The following EFCAB13 variants were observed in gnomAD, a reference collection of about 807,000 sequenced individuals.
EFCAB13 encodes the protein EF-hand calcium-binding domain-containing protein 13.
A neutral mutation model predicts 110.2 loss-of-function variants in EFCAB13; 91 were observed. That is an observed-to-expected ratio of 0.83 (90% CI 0.70 to 0.98). The LOEUF (loss-of-function observed/expected upper bound fraction) is 0.98, where lower values mean the gene tolerates loss of function less well. Ranked by LOEUF, EFCAB13 falls within the 50% of genes least tolerant of loss-of-function variation. The probability of loss-of-function intolerance (pLI) is 0.00; values close to 1 mark genes in which losing one functional copy is unlikely to be tolerated. For synonymous variants in EFCAB13, 323 were observed against 369.9 expected (o/e 0.87, Z 1.45); for missense variants, 968 against 1,119.4 (o/e 0.86, Z 1.93).
chr17:47,384,563 C>G (rs2065665939), intron 14 of EFCAB13, among the ~76,000 whole-genome samples: 1 of 151,992 alleles, frequency 6.6e-6, no homozygotes, highest in Non-Finnish European at 1.5e-5. Context: ...TCAGCGTTTG[C>G]TTGTATGTAA....
chr17:47,355,650 G>A (rs991181049), intron 9 of EFCAB13, among the ~76,000 whole-genome samples: 3 of 142,666 alleles, frequency 2.1e-5, no homozygotes, highest in African/African-American at 7.9e-5. Flanking sequence ...TCGGCTTACT[G>A]CAACCTCTGC....
rs576819078 is a variant in EFCAB13 at position 47,419,829 on chromosome 17, T to C, written c.2494+4910T>C. On this transcript the variant is annotated intron_variant, in intron 23 of 24. Transcript: ENST00000331493. ...TTAAAAGGCTGTGAACATTGTATTC[T>C]ATATTAAAGTATGTTTTAAAAATGA... Among the ~76,000 whole-genome samples the C allele has an allele frequency of 2.8e-3, 432 of 152,288 alleles. 3 individuals carry two copies. Among genetic ancestry groups the C allele is most frequent in the African/African-American group, 1.0e-2 (415 of 41,542 alleles).
Position 47,431,287 on chromosome 17 carries a change from GT to G in EFCAB13, c.2638+1335del, listed in dbSNP as rs1003591069. Among the ~76,000 whole-genome samples the G allele has an allele frequency of 2.1e-5, 3 of 145,998 alleles. No homozygotes were observed. Among genetic ancestry groups the G allele is most frequent in the African/African-American group, 2.5e-5 (1 of 39,496 alleles). ...ATATCCTAACATCTATTTTTTCTTT[GT>G]TTTTTTTTAACTCTTTTTTTTCCTT... On this transcript the variant is annotated intron_variant, in intron 24 of 24. Transcript: ENST00000331493. This position sits in a 1 kb window ranked among gnomAD's most constrained non-coding sequence, Gnocchi z 4.1.
In EFCAB13 at chr17:47,370,527, C is replaced by G; in HGVS notation, c.877+19C>G. The G allele has an allele frequency of 1.3e-6, 2 of 1,537,930 alleles. No homozygotes were observed. The highest frequency in any genetic ancestry group is 1.8e-6 in the Non-Finnish European group (2 of 1,118,768). ...GATGTTTGTAAGTGAGCTCTTGTTGCTATGACAAGTTTTGTTTATAATTAA... is the reference window on the plus strand; with the variant it reads ...GATGTTTGTAAGTGAGCTCTTGTTGGTATGACAAGTTTTGTTTATAATTAA... On this transcript the variant is annotated intron_variant, in intron 11 of 24. Coordinates refer to ENST00000331493, the MANE Select transcript of EFCAB13 (RefSeq NM_152347.5).
Position 47,441,097 on chromosome 17 carries a change from T to C in EFCAB13, c.*383T>C, listed in dbSNP as rs1905316039. The C allele has an allele frequency of 6.4e-6, 1 of 155,046 alleles. No individual in the cohort carries two copies. Among genetic ancestry groups the C allele is most frequent in the Non-Finnish European group, 1.4e-5 (1 of 70,068 alleles). 9.6% of individuals were successfully genotyped at this position (155,046 alleles called of 1,614,324 possible). On this transcript the variant is annotated 3_prime_UTR_variant, in exon 25 of 25. Transcript: ENST00000331493. ...GAGCCCCTGGCAACTACTGATTCAT[T>C]CTTTGTCCCTCTAGTTTTGCCTTTT...
At chr17:47,330,582 T>C (rs554269961) in intron 4 of EFCAB13, among the ~76,000 whole-genome samples, 1 of 152,242 alleles carries the variant, frequency 6.6e-6, no homozygotes, top group Admixed American at 6.5e-5. Context: ...TTACTTCACT[T>C]AGGATAATGG....
intron 18 of EFCAB13, 60 bp from the exon 19 acceptor site, chr17:47,403,818 A>G (rs2065790744): frequency 1.4e-6 from 2 of 1,464,914 alleles, no homozygotes; most frequent in Middle Eastern, 3.7e-4. Context: ...GATTTCCACT[A>G]ACAAATGTCT....
chr17:47,438,782 C>T (rs1245380741), intron 24 of EFCAB13, among the ~76,000 whole-genome samples: 1 of 152,082 alleles, frequency 6.6e-6, no homozygotes, highest in Non-Finnish European at 1.5e-5. Flanking sequence ...TTCGTGAACT[C>T]TTTTTCAGGT....
At chr17:47,376,270 G>A (rs2065614783) in intron 12 of EFCAB13, among the ~76,000 whole-genome samples, 1 of 152,134 alleles carries the variant, frequency 6.6e-6, no homozygotes, top group South Asian at 2.1e-4. Flanking sequence ...CTTTACCAAT[G>A]CACTGCTGCT....
intron 20 of EFCAB13, among the ~76,000 whole-genome samples, chr17:47,407,560 C>T (rs925417390): frequency 2.6e-5 from 4 of 152,028 alleles, no homozygotes; most frequent in African/African-American, 7.3e-5. Flanking sequence ...ACATTGGACT[C>T]CACGAAAGAA....
intron 23 of EFCAB13, among the ~76,000 whole-genome samples, chr17:47,423,136 A>G (rs1243893416): frequency 6.6e-6 from 1 of 152,224 alleles, no homozygotes; most frequent in Non-Finnish European, 1.5e-5. Flanking sequence ...TCATTTTGCT[A>G]AAAATGATAT....
intron 21 of EFCAB13, among the ~76,000 whole-genome samples, chr17:47,410,887 G>A (rs992176270): frequency 6.6e-6 from 1 of 152,104 alleles, no homozygotes; most frequent in African/African-American, 2.4e-5. Context: ...TGTTTCCTTT[G>A]TTATATGCTG....
At chr17:47,378,011 A>G in intron 13 of EFCAB13, 108 bp downstream of exon 13, 2 of 1,043,868 alleles carry the variant, frequency 1.9e-6, no homozygotes, top group South Asian at 2.0e-5. Context: ...ATGGGACAGA[A>G]TGGGTCATTC....
intron 14 of EFCAB13, among the ~76,000 whole-genome samples, chr17:47,383,006 C>G (rs956443525): frequency 4.6e-5 from 7 of 151,902 alleles, no homozygotes; most frequent in Non-Finnish European, 7.4e-5. Flanking sequence ...CCTGGTTTAG[C>G]CTTGGGAGGG....
chr17:47,344,018 T>G, intron 6 of EFCAB13, 144 bp from the exon 7 acceptor site: 2 of 911,054 alleles, frequency 2.2e-6, no homozygotes, highest in Admixed American at 6.4e-5. Context: ...GTAATTTAAT[T>G]ACAAAAGGCA....
intron 23 of EFCAB13, among the ~76,000 whole-genome samples, chr17:47,424,872 A>ATTTTTTTTTTT (rs1459453287): frequency 1.3e-4 from 9 of 68,326 alleles, no homozygotes; most frequent in African/African-American, 2.8e-4. Flanking sequence ...CCGGTTGACA[A>ATTTTTTTTTTT]TCTTTTTTTT....
In EFCAB13 at chr17:47,402,731, G is replaced by A. The variant is rs555685653; in HGVS notation, c.2017+528G>A. Among the ~76,000 whole-genome samples the A allele has an allele frequency of 5.9e-5, 9 of 152,308 alleles. No homozygotes were observed. The East Asian group carries it at 1.5e-3, about 26-fold the overall frequency. ...ATGATATTGGGATGAGAGGTAGAAG[G>A]AGGATTATGATCAAAGTGCCAAAAT... On this transcript the variant is annotated intron_variant, in intron 18 of 24. Coordinates refer to ENST00000331493, the MANE Select transcript of EFCAB13 (RefSeq NM_152347.5).
chr17:47,326,202 T>C (rs1050498052), intron 2 of EFCAB13, 24 bp from the exon 3 acceptor site: 1 of 152,054 alleles, frequency 6.6e-6, no homozygotes, highest in Non-Finnish European at 1.5e-5. Flanking sequence ...GAATAGACTT[T>C]CTAAGTTAAT....
chr17:47,404,653 ACT>A lies in EFCAB13; in HGVS notation c.2233+21_2233+22del, dbSNP rs754316342. The A allele has an allele frequency of 6.3e-7, 1 of 1,575,098 alleles. No homozygotes were observed. Among genetic ancestry groups the A allele is most frequent in the East Asian group, 2.2e-5 (1 of 44,462 alleles). On this transcript the variant is annotated intron_variant, in intron 20 of 24. Coordinates refer to ENST00000331493, the MANE Select transcript of EFCAB13 (RefSeq NM_152347.5). Reference sequence around the variant, plus strand: ...ATATTGGTAAGAGCTTTATGGTAATACTGTTAGAAGGCAATGATACAGAACTT... The same window carrying A: ...ATATTGGTAAGAGCTTTATGGTAATAGTTAGAAGGCAATGATACAGAACTT...
Sources: allele counts gnomAD v4.1 joint callset (sites outside exome capture counted in the v4.1 genomes callset), GRCh38; gene constraint gnomAD v4.1.1; non-coding constraint Gnocchi (gnomAD v3.1); transcripts MANE v1.5; gene names NCBI Gene and HGNC (gene_info 2026-07-23, HGNC 2026-07-21).